Variants in SCP2 observed in about 807,000 individuals in gnomAD.
SCP2 encodes sterol carrier protein 2.
SCP2 carries 48 observed loss-of-function variants against 71.4 expected under a neutral mutation model. The observed-to-expected ratio is 0.67, with a 90% CI of 0.53 to 0.86. The LOEUF is 0.86. SCP2 is among the 40% of genes least tolerant of loss of function. The probability of loss-of-function intolerance (pLI) is 0.00; values close to 1 mark genes in which losing one functional copy is unlikely to be tolerated. For synonymous variants in SCP2, 220 were observed against 218.1 expected (o/e 1.01, Z -0.08); for missense variants, 560 against 655.6 (o/e 0.85, Z 1.59).
intron 6 of SCP2, among the ~76,000 whole-genome samples, chr1:52,969,399 C>T (rs1657256345): frequency 6.6e-6 from 1 of 151,868 alleles, no homozygotes; most frequent in Non-Finnish European, 1.5e-5. Flanking sequence ...GTCTCAGCTA[C>T]TTGGGAAGCT....
At chr1:53,040,014 G>T (rs1261108141) in intron 14 of SCP2, among the ~76,000 whole-genome samples, 1 of 152,160 alleles carries the variant, frequency 6.6e-6, no homozygotes. Flanking sequence ...TGGTCTAAAA[G>T]CCTTGAAGTC....
chr1:53,036,019 C>CCA (rs1299503523), intron 13 of SCP2, among the ~76,000 whole-genome samples: 674 of 63,272 alleles, frequency 0.011, 10 homozygotes, highest in African/African-American at 0.033. Context: ...GACTCCGTCT[C>CCA]AAAAAAAAAA....
chr1:52,930,980 T>A (rs1185131275), intron 1 of SCP2, among the ~76,000 whole-genome samples: 2 of 152,184 alleles, frequency 1.3e-5, no homozygotes, highest in African/African-American at 2.4e-5. Context: ...ATGTCTAATC[T>A]GGAGGAGAAA....
chr1:53,026,715 G>T (rs928585007), intron 12 of SCP2, among the ~76,000 whole-genome samples: 2 of 152,060 alleles, frequency 1.3e-5, no homozygotes, highest in Admixed American at 1.3e-4. Context: ...GGAGGCTGAG[G>T]CAAGATTGCC....
At chr1:53,002,595 C>T (rs1202066697) in intron 11 of SCP2, among the ~76,000 whole-genome samples, 1 of 152,148 alleles carries the variant, frequency 6.6e-6, no homozygotes, top group Non-Finnish European at 1.5e-5. Flanking sequence ...ATCTGTTGGG[C>T]CTTAGATTTG....
chr1:52,960,896 G>A (rs1303672278), intron 5 of SCP2, among the ~76,000 whole-genome samples: 1 of 151,120 alleles, frequency 6.6e-6, no homozygotes, highest in African/African-American at 2.4e-5. Flanking sequence ...GGGACTGTAG[G>A]TGCATACCAC....
At chr1:52,958,399 T>G (rs904530012) in intron 5 of SCP2, among the ~76,000 whole-genome samples, 2 of 151,938 alleles carry the variant, frequency 1.3e-5, no homozygotes, top group African/African-American at 4.8e-5. Flanking sequence ...CCGGGCTAAT[T>G]TGTGTATTTT....
Position 53,002,056 on chromosome 1 carries a change from C to T in SCP2, c.1082-12834C>T, listed in dbSNP as rs544803288. On this transcript the variant is annotated intron_variant, in intron 11 of 15. Coordinates refer to ENST00000371514, the MANE Select transcript of SCP2 (RefSeq NM_002979.5). ...AAAATTAGCTGGGTGTGGTGGCAGG[C>T]GCCTGTAGTCCCAGCTACTCAGGAG... 7.9e-5 allele frequency among the ~76,000 whole-genome samples: 12 copies of T among 151,966 alleles called. No homozygotes were observed. In the East Asian group the frequency reaches 1.2e-3, roughly 15 times the overall value.
Position 52,941,811 on chromosome 1 carries a change from G to C in SCP2, c.85G>C (p.Ala29Pro). ...ATATCTCTAGTTTGTGAAGCCTGGA[G>C]CTGAGAATTCAAGAGACTACCCTGA... ...VGMTKFVKPG[A>P]ENSRDYPDLA... The change falls in exon 2 of 16, where the codon GCT becomes CCT. Residue 29 changes from alanine to proline, a missense_variant. Around this residue, in one of 3 missense-constraint regions of SCP2, gnomAD observed 513 missense variants for 573.1 expected, o/e 0.90. Transcript: ENST00000371514. 1 of 1,604,392 alleles carries C rather than the reference G, an allele frequency of 6.2e-7. No individual in the cohort carries two copies. Among genetic ancestry groups the C allele is most frequent in the East Asian group, 2.2e-5 (1 of 44,836 alleles).
chr1:52,933,849 A>G (rs1392120959), intron 1 of SCP2, among the ~76,000 whole-genome samples: 1 of 152,192 alleles, frequency 6.6e-6, no homozygotes. Flanking sequence ...TTTTCATTGT[A>G]TGTTGACATT....
In SCP2 at chr1:53,039,849, A is replaced by T. The variant is rs1477453253; in HGVS notation, c.1468+803A>T. ...CCAGCCACTGAACTACAAGGTATAC[A>T]TCCAGCTGCTTAACTGACAAGTTTA... On this transcript the variant is annotated intron_variant, in intron 14 of 15. Coordinates refer to ENST00000371514, the MANE Select transcript of SCP2 (RefSeq NM_002979.5). 5.9e-5 allele frequency among the ~76,000 whole-genome samples: 9 copies of T among 152,216 alleles called. No individual in the cohort carries two copies. The East Asian group carries it at 1.7e-3, about 29-fold the overall frequency.
At chr1:52,981,041 C>T (rs1160420442) in intron 10 of SCP2, among the ~76,000 whole-genome samples, 1 of 151,870 alleles carries the variant, frequency 6.6e-6, no homozygotes, top group Non-Finnish European at 1.5e-5. Flanking sequence ...AAGTGATTCT[C>T]CTGCCTCAGC....
At chr1:53,015,087 C>A in intron 12 of SCP2, 44 bp downstream of exon 12, 2 of 1,580,764 alleles carry the variant, frequency 1.3e-6, no homozygotes, top group African/African-American at 1.3e-5. Flanking sequence ...ATCCTTCTGA[C>A]TTTTCACAGT....
At chr1:53,034,321 TA>T in intron 13 of SCP2, among the ~76,000 whole-genome samples, 1 of 152,088 alleles carries the variant, frequency 6.6e-6, no homozygotes, top group African/African-American at 2.4e-5. Context: ...TCAATGTGGA[TA>T]AACCTTGAAA....
At chr1:53,012,009 G>C (rs1420194529) in intron 11 of SCP2, among the ~76,000 whole-genome samples, 1 of 152,154 alleles carries the variant, frequency 6.6e-6, no homozygotes, top group Non-Finnish European at 1.5e-5. Context: ...AAGGCCAGCC[G>C]TAGAAACTAG....
intron 2 of SCP2, among the ~76,000 whole-genome samples, chr1:52,942,868 T>C (rs1229792774): frequency 6.6e-6 from 1 of 151,588 alleles, no homozygotes. Context: ...CCAGGCTAAT[T>C]TTTTTGTATT....
intron 14 of SCP2, among the ~76,000 whole-genome samples, chr1:53,039,387 G>A (rs1663259844): frequency 1.3e-5 from 2 of 152,182 alleles, no homozygotes; most frequent in African/African-American, 4.8e-5. Flanking sequence ...CTTTTCATAA[G>A]GTTGGTATGA....
rs143386725 is a variant in SCP2, at chr1:52,941,734, CA to C, written c.70-47del. ...TGGGTAACAGAGCAAGACTCCGTCT[CA>C]AAAAAAAAAAAAAATGTAACTATAC... On this transcript the variant is annotated intron_variant, in intron 1 of 15. Transcript: ENST00000371514. 0.17 allele frequency: 146,028 copies of C among 870,616 alleles called. 372 individuals are homozygous for C. The highest frequency in any genetic ancestry group is 0.27 in the East Asian group (8,352 of 30,906). 53.9% of individuals were successfully genotyped at this position (870,616 alleles called of 1,614,324 possible).
chr1:53,037,052 G>A (rs918718618), intron 13 of SCP2, among the ~76,000 whole-genome samples: 1 of 152,050 alleles, frequency 6.6e-6, no homozygotes, highest in Admixed American at 6.6e-5. Context: ...CAAGAGAATC[G>A]CTCGAACCCA....
Sources: gnomAD v4.1 joint callset for allele counts (sites outside exome capture counted in the v4.1 genomes callset) on GRCh38, gnomAD v4.1.1 for gene constraint, gnomAD v4.1.1 regional missense constraint, MANE v1.5 for transcripts, NCBI Gene and HGNC (gene_info 2026-07-23, HGNC 2026-07-21) for gene names.